Variants in DSG4 observed in about 807,000 individuals in gnomAD.
The protein encoded by DSG4 is desmoglein 4.
Under a neutral mutation model 93.1 loss-of-function variants are expected in DSG4, and 87 were observed. That is an observed-to-expected ratio of 0.93 (90% CI 0.79 to 1.12). DSG4 has a LOEUF of 1.12. Ranked by LOEUF, DSG4 falls within the 50% of genes most tolerant of loss-of-function variation. DSG4 has a pLI of 0.00. For synonymous variants in DSG4, 432 were observed against 452.9 expected, an observed-to-expected ratio of 0.95 and a Z score of 0.59; for missense variants, 1,373 against 1,285.7, an observed-to-expected ratio of 1.07 and a Z score of -1.04.
At chr18:31,393,069 G>A (rs1475281306) in intron 8 of DSG4, among the ~76,000 whole-genome samples, 2 of 151,974 alleles carry the variant, frequency 1.3e-5, no homozygotes, top group East Asian at 1.9e-4. Context: ...AATTAGAAAC[G>A]AATAAAACCA....
At chr18:31,385,900 A>C (rs2144167691) in intron 2 of DSG4, among the ~76,000 whole-genome samples, 1 of 152,270 alleles carries the variant, frequency 6.6e-6, no homozygotes, top group East Asian at 1.9e-4. Context: ...CAGGGGGTAC[A>C]TTAGGACTTA....
intron 14 of DSG4, 136 bp downstream of exon 14, chr18:31,409,944 C>G (rs2072467972): frequency 9.8e-7 from 1 of 1,025,230 alleles, no homozygotes; most frequent in Non-Finnish European, 1.4e-6. Context: ...GGAATGTGAC[C>G]TGTTTGAAGT....
rs1270532632 is a variant in DSG4 at position 31,413,297 on chromosome 18, C to T, written c.2825C>T (p.Pro942Leu). Residue 942 changes from proline to leucine, a missense_variant, in exon 16 of 16, where the codon CCT becomes CTT. By Grantham distance (98) the Pro-to-Leu change is moderately conservative. Coordinates refer to ENST00000308128, the MANE Select transcript of DSG4 (RefSeq NM_177986.5). ...NVVVTEAVMAPVYDIQGNICV... is the reference protein window; with the variant it reads ...NVVVTEAVMALVYDIQGNICV... ...GTAGTAACCGAAGCAGTAATGGCAC[C>T]TGTCTATGATATTCAAGGGAATATT... 1.2e-6 allele frequency: 2 copies of T among 1,613,990 alleles called. No homozygotes were observed. Among genetic ancestry groups the T allele is most frequent in the Admixed American group, 3.3e-5 (2 of 59,998 alleles).
At chr18:31,378,284 C>G (rs993358891) in intron 1 of DSG4, among the ~76,000 whole-genome samples, 11 of 152,170 alleles carry the variant, frequency 7.2e-5, no homozygotes, top group Admixed American at 7.2e-4. Flanking sequence ...AAAGAAGAGG[C>G]AAGAATCGGA....
In DSG4 at chr18:31,411,468, A is replaced by T; in HGVS notation, c.2355+20A>T. The T allele has an allele frequency of 6.2e-7, 1 of 1,611,502 alleles. No homozygotes were observed. Among genetic ancestry groups the T allele is most frequent in the Non-Finnish European group, 8.5e-7 (1 of 1,179,618 alleles). On this transcript the variant is annotated intron_variant, in intron 15 of 15. Coordinates refer to ENST00000308128, the MANE Select transcript of DSG4 (RefSeq NM_177986.5). ...TCGGAGGTAATGCCCTCACAGTCAC[A>T]CATAAAATCGTCTTGAGATTGAATA... is the stretch of plus-strand genomic sequence containing the variant.
At chr18:31,403,289 G>A in intron 10 of DSG4, 127 bp from the exon 11 acceptor site, 1 of 790,222 alleles carries the variant, frequency 1.3e-6, no homozygotes, top group Non-Finnish European at 2.1e-6. Context: ...AAGCGGGCAG[G>A]AACCTGTCAA....
At chr18:31,393,490 G>A (rs2072272506) in intron 8 of DSG4, among the ~76,000 whole-genome samples, 1 of 152,240 alleles carries the variant, frequency 6.6e-6, no homozygotes, top group Non-Finnish European at 1.5e-5. Context: ...CACATGACAA[G>A]GGCAGTAGCA....
rs1348001462 is a variant in DSG4, at chr18:31,406,132, C to T, written c.1692C>T (p.Ile564=). The change falls in exon 12 of 16, where the codon ATC becomes ATT. Residue 564 remains isoleucine, a synonymous_variant. Transcript: ENST00000308128. The part of the protein sequence containing the change: ...KQVLSPGFYE[I]PILVKDSYNR... ...TTTTATCTCCAGGATTTTATGAAAT[C>T]CCAATCCTGGTGAAGGACAGCTATA... 6 of 1,613,988 alleles carry T rather than the reference C, an allele frequency of 3.7e-6. No homozygotes were observed. The highest frequency in any genetic ancestry group is 1.3e-5 in the African/African-American group (1 of 74,896).
Position 31,411,452 on chromosome 18 carries a change from A to G in DSG4, c.2355+4A>G, listed in dbSNP as rs375036558. ...CTTGGACAGCTACTTCTCGGAGGTA[A>G]TGCCCTCACAGTCACACATAAAATC... On this transcript the variant is annotated splice_donor_region_variant and intron_variant, in intron 15 of 15. Transcript: ENST00000308128. 6.2e-7 allele frequency: 1 copy of G among 1,613,350 alleles called. No individual in the cohort carries two copies. Among genetic ancestry groups the G allele is most frequent in the East Asian group, 2.2e-5 (1 of 44,886 alleles).
chr18:31,411,370 G>T lies in DSG4; in HGVS notation c.2277G>T (p.Arg759Ser). 6.2e-7 allele frequency: 1 copy of T among 1,614,094 alleles called. No homozygotes were observed. Among genetic ancestry groups the T allele is most frequent in the Non-Finnish European group, 8.5e-7 (1 of 1,180,024 alleles). Residue 759 changes from arginine (R) to serine (S), a missense_variant, in exon 15 of 16, where the codon AGG becomes AGT. Arg to Ser is a moderately radical substitution (Grantham distance 110). Coordinates refer to ENST00000308128, the MANE Select transcript of DSG4 (RefSeq NM_177986.5). ...AAGASGAARK[R>S]SSTMGTLRDY... ...GAGCCTCAGGGGCCGCAAGGAAGAG[G>T]AGCTCTACCATGGGAACCCTGCGGG...
At chr18:31,411,557 C>A (rs1257074029) in intron 15 of DSG4, 109 bp downstream of exon 15, 2 of 1,294,386 alleles carry the variant, frequency 1.5e-6, no homozygotes, top group Non-Finnish European at 2.2e-6. Context: ...TTATTCTCAA[C>A]CCTATCCCAA....
In DSG4 at chr18:31,382,098, C is replaced by T. The variant is rs367797356; in HGVS notation, c.49-3038C>T. Among the ~76,000 whole-genome samples the T allele has an allele frequency of 2.0e-4, 31 of 152,326 alleles. 1 individual carries two copies. The highest frequency in any genetic ancestry group is 7.5e-4 in the African/African-American group (31 of 41,574). ...AGGGAACCGTCATCAACCAGGCCCA[C>T]AGAGACTGTAATACATTTAGGATAC... On this transcript the variant is annotated intron_variant, in intron 1 of 15. Coordinates refer to ENST00000308128, the MANE Select transcript of DSG4 (RefSeq NM_177986.5).
At chr18:31,399,591 T>C (rs775854419) in intron 9 of DSG4, 48 bp downstream of exon 9, 15 of 1,611,534 alleles carry the variant, frequency 9.3e-6, no homozygotes, top group Admixed American at 8.3e-5. Context: ...CCAGTGTTAA[T>C]TCATGTAGCA....
chr18:31,413,474 T>C lies in DSG4; in HGVS notation c.3002T>C (p.Ile1001Thr), dbSNP rs1446498395. 1.2e-6 allele frequency: 2 copies of C among 1,612,202 alleles called. No homozygotes were observed. Among genetic ancestry groups the C allele is most frequent in the Non-Finnish European group, 1.7e-6 (2 of 1,178,464 alleles). ...GGCAATATTTTAGTAGGGCCAGAAA[T>C]TCAAGTGATGCAAATGATGAGTCCA... ...MSGNILVGPE[I>T]QVMQMMSPDL... Residue 1001 changes from isoleucine to threonine, a missense_variant, in exon 16 of 16, where the codon ATT becomes ACT. Physicochemically the swap from Ile to Thr is moderately conservative, Grantham distance 89. Coordinates refer to ENST00000308128, the MANE Select transcript of DSG4 (RefSeq NM_177986.5).
chr18:31,383,786 C>G (rs2072160114), intron 1 of DSG4, among the ~76,000 whole-genome samples: 1 of 152,062 alleles, frequency 6.6e-6, no homozygotes, highest in African/African-American at 2.4e-5. Context: ...GTGAAATTAT[C>G]TGGGGCACTA....
chr18:31,404,306 A>G (rs1173920006), intron 11 of DSG4, among the ~76,000 whole-genome samples: 1 of 152,260 alleles, frequency 6.6e-6, no homozygotes, highest in African/African-American at 2.4e-5. Context: ...GAAGTTGTAT[A>G]TGTATGTATC....
intron 11 of DSG4, among the ~76,000 whole-genome samples, chr18:31,405,491 C>T (rs1334098696): frequency 6.6e-6 from 1 of 151,770 alleles, no homozygotes; most frequent in Non-Finnish European, 1.5e-5. Flanking sequence ...TGGAAAGATG[C>T]AGCAAGGTCC....
intron 1 of DSG4, among the ~76,000 whole-genome samples, chr18:31,380,670 T>C (rs2072123743): frequency 6.6e-6 from 1 of 152,222 alleles, no homozygotes. Context: ...GTAACTGCTT[T>C]ACTCAATTAT....
Position 31,413,270 on chromosome 18 carries a change from T to C in DSG4, c.2798T>C (p.Val933Ala). Reference sequence around the variant, plus strand: ...TTTGATCCTCAGCTTGCACCCAATGTTGTAGTAACCGAAGCAGTAATGGCA... The same window carrying C: ...TTTGATCCTCAGCTTGCACCCAATGCTGTAGTAACCGAAGCAGTAATGGCA... ...IIFDPQLAPN[V>A]VVTEAVMAPV... Residue 933 changes from valine (V) to alanine (A), a missense_variant, in exon 16 of 16, where the codon GTT becomes GCT. Val to Ala is a moderately conservative substitution (Grantham distance 64, BLOSUM62 0). Transcript: ENST00000308128. The C allele has an allele frequency of 6.2e-7, 1 of 1,614,204 alleles. No individual in the cohort carries two copies. Among genetic ancestry groups the C allele is most frequent in the Admixed American group, 1.7e-5 (1 of 60,020 alleles).
Sources: gnomAD v4.1 joint callset for allele counts (sites outside exome capture counted in the v4.1 genomes callset) on GRCh38, gnomAD v4.1.1 for gene constraint, MANE v1.5 for transcripts, NCBI Gene and HGNC (gene_info 2026-07-23, HGNC 2026-07-21) for gene names.